Variants in CDC73 observed in about 807,000 individuals in gnomAD.
CDC73 encodes the protein parafibromin.
Under a neutral mutation model 83.7 loss-of-function variants are expected in CDC73, and 21 were observed. The ratio of observed to expected loss-of-function variants is 0.25; its 90% CI spans 0.18 to 0.36. CDC73 has a LOEUF of 0.36. CDC73 is among the 10% of genes least tolerant of loss of function. The pLI is 1.00. For synonymous variants in CDC73, 224 were observed against 212.9 expected (o/e 1.05, Z -0.45); for missense variants, 342 against 653.3 (o/e 0.52, Z 5.19).
chr1:193,222,076 A>G (rs1677480575), intron 13 of CDC73, among the ~76,000 whole-genome samples: 2 of 152,220 alleles, frequency 1.3e-5, no homozygotes, highest in African/African-American at 4.8e-5. Flanking sequence ...CATGCTAACA[A>G]ACAAAATTGA....
chr1:193,196,883 C>A (rs1677012068), intron 10 of CDC73, among the ~76,000 whole-genome samples: 1 of 152,140 alleles, frequency 6.6e-6, no homozygotes, highest in South Asian at 2.1e-4. Flanking sequence ...CAAATCTTGT[C>A]ATCTGCAAAC....
At position 193,122,194 on chromosome 1, in the gene CDC73, G is replaced by A. The variant is rs369820009; in HGVS notation, c.-7G>A. On this transcript the variant is annotated 5_prime_UTR_variant, in exon 1 of 17. Coordinates refer to ENST00000367435, the MANE Select transcript of CDC73 (RefSeq NM_024529.5). Reference sequence around the variant, plus strand: ...GCCCCGAGCCGGCGGAGGCGAGGGGGGGGAAGATGGCGGACGTGCTTAGCG... The same window carrying A: ...GCCCCGAGCCGGCGGAGGCGAGGGGAGGGAAGATGGCGGACGTGCTTAGCG... The A allele has an allele frequency of 9.3e-6, 15 of 1,613,162 alleles. No individual in the cohort carries two copies. Among genetic ancestry groups the A allele is most frequent in the African/African-American group, 1.3e-5 (1 of 74,916 alleles).
In CDC73 at chr1:193,150,327, G is replaced by C. The variant is rs773602413; in HGVS notation, c.852G>C (p.Gln284His). The change falls in exon 9 of 17, where the codon CAG (glutamine) becomes CAC (histidine). Residue 284 changes from glutamine to histidine, a missense_variant. Gln to His is a conservative substitution (Grantham distance 24). Coordinates refer to ENST00000367435, the MANE Select transcript of CDC73 (RefSeq NM_024529.5). ...AGGATCCCACTTTGCGCACCAAACAGCCTATCCCAGCTGCCTATAACAGAT... is the reference window on the plus strand; with the variant it reads ...AGGATCCCACTTTGCGCACCAAACACCCTATCCCAGCTGCCTATAACAGAT... The part of the protein sequence containing the change: ...APVDPTLRTK[Q>H]PIPAAYNRYD... 2.5e-6 allele frequency: 4 copies of C among 1,612,798 alleles called. No homozygotes were observed. Among genetic ancestry groups the C allele is most frequent in the Non-Finnish European group, 3.4e-6 (4 of 1,178,910 alleles).
chr1:193,207,016 C>A (rs1051328090), intron 11 of CDC73, among the ~76,000 whole-genome samples: 36 of 152,050 alleles, frequency 2.4e-4, no homozygotes, highest in African/African-American at 8.5e-4. Context: ...AACCAGCCCC[C>A]AATATTTAAA....
intron 13 of CDC73, among the ~76,000 whole-genome samples, chr1:193,232,347 C>T (rs1013451945): frequency 9.2e-5 from 14 of 152,032 alleles, no homozygotes; most frequent in Admixed American, 2.6e-4. Context: ...TAATAAAATT[C>T]CTCTTTATCA....
chr1:193,147,778 G>T lies in CDC73; in HGVS notation c.730-89G>T, dbSNP rs374793294. ...ATGACATATGTAGTAGGGAAGAATC[G>T]ATAGTAAGATAACTTAGTCTTAAAT... On this transcript the variant is annotated intron_variant, in intron 7 of 16. Transcript: ENST00000367435. 17 of 782,784 alleles carry T rather than the reference G, an allele frequency of 2.2e-5. No individual in the cohort carries two copies. In the Admixed American group the frequency reaches 2.2e-4, roughly 10 times the overall value. 48.5% of individuals were successfully genotyped at this position (782,784 alleles called of 1,614,324 possible).
intron 13 of CDC73, among the ~76,000 whole-genome samples, chr1:193,219,517 A>T (rs972620974): frequency 2.0e-5 from 3 of 152,226 alleles, no homozygotes; most frequent in Admixed American, 2.0e-4. Context: ...GGTGGATTGG[A>T]TAAAGAAATC....
At chr1:193,225,027 A>AC (rs1677541850) in intron 13 of CDC73, among the ~76,000 whole-genome samples, 2 of 149,344 alleles carry the variant, frequency 1.3e-5, no homozygotes, top group African/African-American at 4.9e-5. Context: ...TTTATCCCTC[A>AC]CCCCCCTCCC....
At chr1:193,175,277 G>A (rs1032467706) in intron 10 of CDC73, among the ~76,000 whole-genome samples, 2 of 152,210 alleles carry the variant, frequency 1.3e-5, no homozygotes, top group African/African-American at 4.8e-5. Context: ...AGGTATTGCA[G>A]TAGTTAAAAA....
intron 10 of CDC73, among the ~76,000 whole-genome samples, chr1:193,173,674 G>C (rs1676556613): frequency 6.6e-6 from 1 of 151,994 alleles, no homozygotes; most frequent in African/African-American, 2.4e-5. Context: ...TTGTGCCATT[G>C]GTGCATTTGG....
chr1:193,171,001 C>A (rs1045822268), intron 10 of CDC73, among the ~76,000 whole-genome samples: 2 of 152,158 alleles, frequency 1.3e-5, no homozygotes, highest in Admixed American at 6.5e-5. Flanking sequence ...CAAGTGTTTA[C>A]CCCTCCAGAG....
chr1:193,212,573 A>G, intron 13 of CDC73, 96 bp downstream of exon 13: 1 of 820,932 alleles, frequency 1.2e-6, no homozygotes, highest in East Asian at 2.6e-5. Flanking sequence ...GGAAAAAACA[A>G]AATTTCGGTT....
rs554182494 is a variant in CDC73 at position 193,214,455 on chromosome 1, C to T, written c.1154+1978C>T. On this transcript the variant is annotated intron_variant, in intron 13 of 16. Coordinates refer to ENST00000367435, the MANE Select transcript of CDC73 (RefSeq NM_024529.5). ...ATTATTGGCTGGGCACGGTGGCTCA[C>T]GCCTGTGATCACAGCACTTTGGGAG... Among the ~76,000 whole-genome samples, 8 of 152,246 alleles carry T rather than the reference C, an allele frequency of 5.3e-5. No homozygotes were observed. The East Asian group carries it at 1.5e-3, about 29-fold the overall frequency.
chr1:193,250,856 C>T lies in CDC73; in HGVS notation c.*144C>T, dbSNP rs1678033457. 2 of 715,564 alleles carry T rather than the reference C, an allele frequency of 2.8e-6. No individual in the cohort carries two copies. Among genetic ancestry groups the T allele is most frequent in the Non-Finnish European group, 4.9e-6 (2 of 412,020 alleles). 44.3% of individuals were successfully genotyped at this position (715,564 alleles called of 1,614,324 possible). ...CTTCAAGGAGATGATACCTGTCATCCATATAAGCAAACTTTTTGGCTTACA... is the reference window on the plus strand; with the variant it reads ...CTTCAAGGAGATGATACCTGTCATCTATATAAGCAAACTTTTTGGCTTACA... On this transcript the variant is annotated 3_prime_UTR_variant, in exon 17 of 17. Transcript: ENST00000367435.
intron 13 of CDC73, among the ~76,000 whole-genome samples, chr1:193,225,527 A>G (rs771157772): frequency 5.9e-5 from 9 of 152,070 alleles, no homozygotes; most frequent in South Asian, 4.1e-4. Flanking sequence ...CCCACTAGCA[A>G]TGTAGAAGTG....
chr1:193,177,312 A>C (rs1211433057), intron 10 of CDC73, among the ~76,000 whole-genome samples: 1 of 134,808 alleles, frequency 7.4e-6, no homozygotes, highest in Non-Finnish European at 1.5e-5. Flanking sequence ...CAGGAGATCG[A>C]GACCGTCCTG....
chr1:193,250,012 A>G, intron 16 of CDC73, 141 bp downstream of exon 16: 1 of 759,948 alleles, frequency 1.3e-6, no homozygotes, highest in Non-Finnish European at 2.2e-6. Context: ...TCTTCAGTAC[A>G]TAATTAACAA....
At chr1:193,177,454 C>T (rs566139161) in intron 10 of CDC73, among the ~76,000 whole-genome samples, 10 of 149,180 alleles carry the variant, frequency 6.7e-5, no homozygotes, top group African/African-American at 9.9e-5. Flanking sequence ...GGCGTGAACC[C>T]GGGAGGCGGA....
intron 10 of CDC73, among the ~76,000 whole-genome samples, chr1:193,176,937 A>G (rs1676613038): frequency 2.0e-5 from 3 of 152,200 alleles, no homozygotes. Flanking sequence ...GAAGCAAGAG[A>G]TAAGCAGTAA....
Sources: allele counts gnomAD v4.1 joint callset (sites outside exome capture counted in the v4.1 genomes callset), GRCh38; gene constraint gnomAD v4.1.1; transcripts MANE v1.5; gene names NCBI Gene and HGNC (gene_info 2026-07-23, HGNC 2026-07-21).